XK: variants seen among roughly 807,000 people sequenced by gnomAD.
XK encodes endoplasmic reticulum membrane adapter protein XK.
Under a neutral mutation model 14.0 loss-of-function variants are expected in XK, and 2 were observed. That is an observed-to-expected ratio of 0.14 (90% CI 0.06 to 0.45). XK has a LOEUF of 0.45. XK is among the 20% of genes least tolerant of loss of function. The pLI, the probability that XK is intolerant of heterozygous loss-of-function variation, is 0.98. For missense variants in XK, 235 were observed against 341.5 expected (o/e 0.69, Z 2.46); for synonymous variants, 149 against 147.5 (o/e 1.01, Z -0.08).
At chrX:37,703,765 G>T (rs1927459520) in intron 2 of XK, among the ~76,000 whole-genome samples, 1 of 112,024 alleles carries the variant, frequency 8.9e-6, no homozygotes, top group African/African-American at 3.2e-5. Flanking sequence ...TCTCAAAAGA[G>T]AAAGTGTTTA....
intron 2 of XK, among the ~76,000 whole-genome samples, chrX:37,701,935 G>A (rs1445424566): frequency 8.9e-6 from 1 of 111,833 alleles, no homozygotes; most frequent in Non-Finnish European, 1.9e-5. Context: ...CTCCTGCCTT[G>A]TGACTCGCCC....
chrX:37,709,005 G>A (rs1368674363), intron 2 of XK, among the ~76,000 whole-genome samples: 2 of 112,294 alleles, frequency 1.8e-5, no homozygotes, highest in East Asian at 5.5e-4. Flanking sequence ...CAAAGAAAAT[G>A]AAGGAGTAGA....
rs182340695 is a variant in XK at position 37,715,969 on chromosome X, G to A, written c.509-11667G>A. Reference sequence around the variant, plus strand: ...ATGATGTCGGCTCTGATTTTTTCCTGGAGTTTGTGACCACAAGTCAATGGA... The same window carrying A: ...ATGATGTCGGCTCTGATTTTTTCCTAGAGTTTGTGACCACAAGTCAATGGA... On this transcript the variant is annotated intron_variant, in intron 2 of 2. Transcript: ENST00000378616. Among the ~76,000 whole-genome samples, 38 of 111,152 alleles carry A rather than the reference G, an allele frequency of 3.4e-4. No homozygotes were observed. In the East Asian group the frequency reaches 0.01, roughly 31 times the overall value.
chrX:37,695,131 G>A (rs1351425093), intron 2 of XK, among the ~76,000 whole-genome samples: 9 of 112,250 alleles, frequency 8.0e-5, no homozygotes, highest in Non-Finnish European at 1.5e-4. Flanking sequence ...GTTGTGGAAT[G>A]GTAGAGTTCT....
intron 2 of XK, among the ~76,000 whole-genome samples, chrX:37,724,400 A>G (rs1395505444): frequency 9.0e-6 from 1 of 111,610 alleles, no homozygotes; most frequent in Non-Finnish European, 1.9e-5. Flanking sequence ...AAAAACAGTC[A>G]ACTGATCTTT....
intron 1 of XK, among the ~76,000 whole-genome samples, chrX:37,686,878 A>G (rs1927087771): frequency 8.9e-6 from 1 of 111,991 alleles, no homozygotes; most frequent in African/African-American, 3.3e-5. Flanking sequence ...TGTTAAGTAA[A>G]GAAAAACTGT....
chrX:37,688,931 C>G (rs944744838), intron 1 of XK, among the ~76,000 whole-genome samples: 5 of 111,626 alleles, frequency 4.5e-5, no homozygotes. Flanking sequence ...CAATTATCTA[C>G]TTTTCTATAT....
At chrX:37,721,111 C>G (rs941986304) in intron 2 of XK, among the ~76,000 whole-genome samples, 21 of 110,900 alleles carry the variant, frequency 1.9e-4, no homozygotes, top group African/African-American at 6.9e-4. Flanking sequence ...ATCTTCTATT[C>G]ATTTTACACT....
chrX:37,691,783 A>T lies in XK; in HGVS notation c.246-2503A>T, dbSNP rs1317705179. On this transcript the variant is annotated intron_variant, in intron 1 of 2. Transcript: ENST00000378616. ...AATTTGCTTCTTTCACATACCAAAT[A>T]TGGTAAAAATACGTAGCCTGGTCAA... 4.5e-5 allele frequency among the ~76,000 whole-genome samples: 5 copies of T among 112,172 alleles called. No homozygotes were observed. The Admixed American group carries it at 4.7e-4, about 11-fold the overall frequency.
intron 2 of XK, among the ~76,000 whole-genome samples, chrX:37,713,457 CTTG>C (rs1470245967): frequency 9.0e-6 from 1 of 111,730 alleles, no homozygotes; most frequent in Non-Finnish European, 1.9e-5. Flanking sequence ...ATAGACCCTA[CTTG>C]TTGATAGGTG....
At chrX:37,725,582 A>G (rs1381511640) in intron 2 of XK, among the ~76,000 whole-genome samples, 1 of 111,166 alleles carries the variant, frequency 9.0e-6, no homozygotes, top group East Asian at 2.8e-4. Flanking sequence ...CCAGCAAACA[A>G]ATCACACCCA....
At chrX:37,700,956 TTTTA>T (rs1174489518) in intron 2 of XK, among the ~76,000 whole-genome samples, 1 of 111,243 alleles carries the variant, frequency 9.0e-6, no homozygotes, top group Non-Finnish European at 1.9e-5. Context: ...GGTCATGTTA[TTTTA>T]TTTATTTATT....
chrX:37,689,597 A>G (rs5963935), intron 1 of XK, among the ~76,000 whole-genome samples: 34,844 of 110,748 alleles, frequency 0.31, 5,993 homozygotes, highest in African/African-American at 0.68. Context: ...ATGATTCTGG[A>G]CTAAATACTA....
intron 2 of XK, among the ~76,000 whole-genome samples, chrX:37,718,469 T>TA (rs1293355078): frequency 8.9e-6 from 1 of 112,292 alleles, no homozygotes; most frequent in African/African-American, 3.2e-5. Context: ...AATGTATTGA[T>TA]ACAGTCTGCT....
At chrX:37,721,253 T>C (rs1381458236) in intron 2 of XK, among the ~76,000 whole-genome samples, 4 of 111,483 alleles carry the variant, frequency 3.6e-5, no homozygotes, top group African/African-American at 1.3e-4. Flanking sequence ...TTGCATTTTC[T>C]GATGATTAGT....
At chrX:37,704,664 T>A (rs1316806884) in intron 2 of XK, among the ~76,000 whole-genome samples, 1 of 111,733 alleles carries the variant, frequency 8.9e-6, no homozygotes, top group African/African-American at 3.3e-5. Flanking sequence ...GATGAAACCC[T>A]GTCTCTACTA....
intron 1 of XK, among the ~76,000 whole-genome samples, chrX:37,693,823 T>A (rs1160558875): frequency 8.9e-6 from 1 of 111,847 alleles, no homozygotes; most frequent in African/African-American, 3.3e-5. Context: ...TGTGCGTGCA[T>A]GCATGCATGC....
At chrX:37,696,193 G>A (rs1224594934) in intron 2 of XK, among the ~76,000 whole-genome samples, 2 of 112,361 alleles carry the variant, frequency 1.8e-5, no homozygotes, top group Non-Finnish European at 3.8e-5. Context: ...TTTCATTTAT[G>A]TATTGTCTGT....
At chrX:37,703,430 A>G (rs781988955) in intron 2 of XK, among the ~76,000 whole-genome samples, 3 of 112,441 alleles carry the variant, frequency 2.7e-5, no homozygotes, top group Non-Finnish European at 5.6e-5. Flanking sequence ...AAGGAGAGGC[A>G]GAACTGGGTT....
Sources: allele counts gnomAD v4.1 joint callset (sites outside exome capture counted in the v4.1 genomes callset), GRCh38; gene constraint gnomAD v4.1.1; transcripts MANE v1.5; gene names NCBI Gene and HGNC (gene_info 2026-07-23, HGNC 2026-07-21).